Variants in KCNMA1 observed in about 807,000 individuals in gnomAD.
KCNMA1 encodes Calcium-activated potassium channel subunit alpha-1.
KCNMA1 carries 29 observed loss-of-function variants against 140.0 expected under a neutral mutation model. The ratio of observed to expected loss-of-function variants is 0.21; its 90% CI spans 0.15 to 0.28. The LOEUF (loss-of-function observed/expected upper bound fraction) is 0.28. KCNMA1 is among the 10% of genes least tolerant of loss of function. The pLI is 1.00. For missense variants in KCNMA1, 880 were observed against 1,602.2 expected, an observed-to-expected ratio of 0.55 and a Z score of 7.70; for synonymous variants, 612 against 611.9, an observed-to-expected ratio of 1.00 and a Z score of 0.00.
chr10:77,199,198 A>T (rs2041689274), intron 3 of KCNMA1, among the ~76,000 whole-genome samples: 1 of 152,224 alleles, frequency 6.6e-6, no homozygotes, highest in Admixed American at 6.5e-5. Flanking sequence ...TTTTCAAAGG[A>T]TTATCTTTTT....
At chr10:77,393,244 G>A (rs1177130343) in intron 2 of KCNMA1, among the ~76,000 whole-genome samples, 1 of 151,238 alleles carries the variant, frequency 6.6e-6, no homozygotes, top group Non-Finnish European at 1.5e-5. Flanking sequence ...CAGCACTCTT[G>A]GAAGATGTCT....
rs182948406 is a variant in KCNMA1 at position 77,581,446 on chromosome 10, C to T, written c.378+55819G>A. On this transcript the variant is annotated intron_variant, in intron 1 of 27. Coordinates refer to ENST00000286628, the MANE Select transcript of KCNMA1 (RefSeq NM_001161352.2). Reference sequence around the variant, plus strand: ...GCCTCAGCCTCAGTAGCTGGGACTACAGGTGCCCGCCACCACGCCTGTTTA... The same window carrying T: ...GCCTCAGCCTCAGTAGCTGGGACTATAGGTGCCCGCCACCACGCCTGTTTA... Among the ~76,000 whole-genome samples the T allele has an allele frequency of 3.1e-3, 472 of 152,266 alleles. 4 individuals carry two copies. The highest frequency in any genetic ancestry group is 0.011 in the African/African-American group (441 of 41,546).
chr10:77,000,353 C>A (rs1470106175), intron 19 of KCNMA1, among the ~76,000 whole-genome samples: 2 of 152,158 alleles, frequency 1.3e-5, no homozygotes, highest in African/African-American at 4.8e-5. Flanking sequence ...GCACTTGGAC[C>A]AAGACCCACA....
At position 77,582,225 on chromosome 10, in the gene KCNMA1, C is replaced by T. The variant is rs1024728729; in HGVS notation, c.378+55040G>A. Among the ~76,000 whole-genome samples, 3 of 152,346 alleles carry T rather than the reference C, an allele frequency of 2.0e-5. No individual in the cohort carries two copies. The East Asian group carries it at 5.8e-4, about 29-fold the overall frequency. ...GGAGCTGGTCTGCCTGGGCTTGAAT[C>T]CTAGCTCTGATGCTCGCTAGCTGAT... On this transcript the variant is annotated intron_variant, in intron 1 of 27. Coordinates refer to ENST00000286628, the MANE Select transcript of KCNMA1 (RefSeq NM_001161352.2).
chr10:77,126,189 C>T (rs1399042571), intron 5 of KCNMA1, among the ~76,000 whole-genome samples: 1 of 152,036 alleles, frequency 6.6e-6, no homozygotes, highest in Non-Finnish European at 1.5e-5. Context: ...CACAAAATAG[C>T]TATAATAGAG....
At chr10:77,513,975 G>A (rs985060057) in intron 1 of KCNMA1, among the ~76,000 whole-genome samples, 8 of 152,206 alleles carry the variant, frequency 5.3e-5, no homozygotes, top group African/African-American at 1.9e-4. Flanking sequence ...CTCCTCCAGC[G>A]GGCGGGACTG....
rs1251621829 is a variant in KCNMA1 at position 77,090,440 on chromosome 10, C to T, written c.1294G>A (p.Asp432Asn). 1 of 1,614,046 alleles carries T rather than the reference C, an allele frequency of 6.2e-7. No homozygotes were observed. The stretch of plus-strand genomic sequence containing the variant: ...ATCTCCACATTGACGTCATCCCGGT[C>T]CTTGTGCAGAAAGTCCTTCAGGAAG... ...SNFLKDFLHK[D>N]RDDVNVEIVF... The change falls in exon 10 of 28, where the codon GAC (aspartate) becomes AAC (asparagine). Residue 432 changes from aspartate (D) to asparagine (N), a missense_variant. Physicochemically the swap from Asp to Asn is conservative, Grantham distance 23 (BLOSUM62 1). Coordinates refer to ENST00000286628, the MANE Select transcript of KCNMA1 (RefSeq NM_001161352.2).
chr10:77,096,987 G>C (rs74140285), intron 9 of KCNMA1, among the ~76,000 whole-genome samples: 1 of 152,142 alleles, frequency 6.6e-6, no homozygotes, highest in South Asian at 2.1e-4. Flanking sequence ...AGCAGGGCGT[G>C]GGGGGTTAGA....
In KCNMA1 at chr10:77,090,498, G is replaced by T; in HGVS notation, c.1236C>A (p.Val412=). The T allele has an allele frequency of 6.2e-7, 1 of 1,612,952 alleles. No individual in the cohort carries two copies. The highest frequency in any genetic ancestry group is 8.5e-7 in the Non-Finnish European group (1 of 1,178,918). ...SAVSGRKHIV[V]CGHITLESVS... Reference sequence around the variant, plus strand: ...CACTCTCCAGAGTGATGTGTCCGCAGACCACAATGTGCCTGAACAGGAGAG... The same window carrying T: ...CACTCTCCAGAGTGATGTGTCCGCATACCACAATGTGCCTGAACAGGAGAG... Residue 412 remains valine (V), a synonymous_variant, in exon 10 of 28, where the codon GTC becomes GTA. Transcript: ENST00000286628.
chr10:77,470,290 G>A (rs1425640036), intron 1 of KCNMA1, among the ~76,000 whole-genome samples: 2 of 152,124 alleles, frequency 1.3e-5, no homozygotes, highest in Admixed American at 1.3e-4. Flanking sequence ...CTTAAACGGT[G>A]CCACAGATGT....
chr10:77,449,081 C>G (rs529170638), intron 1 of KCNMA1, among the ~76,000 whole-genome samples: 3 of 115,504 alleles, frequency 2.6e-5, no homozygotes, highest in Non-Finnish European at 6.0e-5. Flanking sequence ...AGCAAGACTC[C>G]GAAAAAAAAA....
intron 1 of KCNMA1, among the ~76,000 whole-genome samples, chr10:77,560,043 C>T (rs1254829127): frequency 1.3e-5 from 2 of 151,626 alleles, no homozygotes; most frequent in Non-Finnish European, 2.9e-5. Context: ...ATCAGCCAGG[C>T]GTGGTGGCGG....
chr10:77,186,381 A>AAG (rs1367540349), intron 3 of KCNMA1, among the ~76,000 whole-genome samples: 2 of 151,878 alleles, frequency 1.3e-5, no homozygotes, highest in Non-Finnish European at 2.9e-5. Context: ...CAAAAAACAA[A>AAG]AAAAAACGAC....
At chr10:77,538,010 C>T (rs1042336294) in intron 1 of KCNMA1, among the ~76,000 whole-genome samples, 5 of 151,716 alleles carry the variant, frequency 3.3e-5, no homozygotes, top group South Asian at 4.2e-4. Context: ...CTCTCACATT[C>T]GTATACTCTA....
chr10:76,959,903 A>T (rs10824474), intron 20 of KCNMA1, among the ~76,000 whole-genome samples: 9,957 of 152,270 alleles, frequency 0.065, 482 homozygotes, highest in Admixed American at 0.16. Context: ...CTGTGTATAC[A>T]TGGGAAACAA....
intron 2 of KCNMA1, among the ~76,000 whole-genome samples, chr10:77,346,952 A>C (rs549066129): frequency 2.3e-4 from 35 of 152,328 alleles, no homozygotes; most frequent in African/African-American, 7.7e-4. Flanking sequence ...CAGAGTCTGC[A>C]AGCAGCCTGC....
chr10:77,596,122 T>G (rs1349551131), intron 1 of KCNMA1, among the ~76,000 whole-genome samples: 1 of 152,034 alleles, frequency 6.6e-6, no homozygotes, highest in East Asian at 1.9e-4. Flanking sequence ...ATGTTCACCC[T>G]TACTCATACA....
At chr10:77,100,485 G>C (rs114538796) in intron 9 of KCNMA1, among the ~76,000 whole-genome samples, 74 of 152,314 alleles carry the variant, frequency 4.9e-4, no homozygotes, top group African/African-American at 1.8e-3. Flanking sequence ...ACTGGCTGTG[G>C]AGACTGGAAC....
intron 25 of KCNMA1, among the ~76,000 whole-genome samples, chr10:76,898,036 G>T (rs2043348653): frequency 6.6e-6 from 1 of 151,682 alleles, no homozygotes. Context: ...CCAAAAGATG[G>T]ATCATAAAAC....
Sources: gnomAD v4.1 joint callset for allele counts (sites outside exome capture counted in the v4.1 genomes callset) on GRCh38, gnomAD v4.1.1 for gene constraint, MANE v1.5 for transcripts, NCBI Gene and HGNC (gene_info 2026-07-23, HGNC 2026-07-21) for gene names.